ATRNL1: variants seen among roughly 807,000 people sequenced by gnomAD.
ATRNL1 encodes the protein attractin like 1.
Under a neutral mutation model 182.7 loss-of-function variants are expected in ATRNL1, and 95 were observed. The observed-to-expected ratio is 0.52, with a 90% confidence interval of 0.44 to 0.62. ATRNL1 has a LOEUF of 0.62. Ranked by LOEUF, ATRNL1 falls within the 20% of genes least tolerant of loss-of-function variation. The probability of loss-of-function intolerance (pLI) is 0.00; values close to 1 mark genes in which losing one functional copy is unlikely to be tolerated. For missense variants in ATRNL1, 1,471 were observed against 1,679.5 expected (o/e 0.88, Z 2.17); for synonymous variants, 576 against 568.3 (o/e 1.01, Z -0.19).
intron 24 of ATRNL1, 85 bp downstream of exon 24, chr10:115,469,414 A>G (rs1374996702): frequency 9.5e-5 from 81 of 848,558 alleles, no homozygotes; most frequent in Non-Finnish European, 1.3e-4. Context: ...TGATATATGT[A>G]CATTTCCTGA....
intron 5 of ATRNL1, among the ~76,000 whole-genome samples, chr10:115,145,473 C>T (rs949183170): frequency 3.9e-5 from 6 of 152,130 alleles, no homozygotes; most frequent in Non-Finnish European, 8.8e-5. Context: ...TAATGATTAC[C>T]ACTCACACAA....
At chr10:115,665,661 A>T (rs1330941519) in intron 26 of ATRNL1, among the ~76,000 whole-genome samples, 6 of 152,172 alleles carry the variant, frequency 3.9e-5, no homozygotes, top group Non-Finnish European at 8.8e-5. Flanking sequence ...AGAATTACTA[A>T]ATAAATGTTA....
chr10:115,266,683 G>A (rs1374354142), intron 11 of ATRNL1, 114 bp from the exon 12 acceptor site: 1 of 576,828 alleles, frequency 1.7e-6, no homozygotes, highest in Non-Finnish European at 3.0e-6. Flanking sequence ...ACTAACAGAA[G>A]TACTTAAAAT....
intron 9 of ATRNL1, among the ~76,000 whole-genome samples, chr10:115,239,297 A>G (rs1346779402): frequency 1.3e-5 from 2 of 151,886 alleles, no homozygotes; most frequent in African/African-American, 4.8e-5. Context: ...CAGTGGTGCG[A>G]TCTCAGCTCG....
chr10:115,402,772 G>C (rs534105826), intron 20 of ATRNL1, among the ~76,000 whole-genome samples: 6 of 152,160 alleles, frequency 3.9e-5, no homozygotes, highest in African/African-American at 1.4e-4. Flanking sequence ...CCCCTTTTCT[G>C]TTCCTTATAC....
intron 14 of ATRNL1, among the ~76,000 whole-genome samples, chr10:115,283,666 T>TTTACAATGAAAAATA (rs1166041931): frequency 1.3e-5 from 2 of 152,296 alleles, no homozygotes; most frequent in East Asian, 3.9e-4. Context: ...AATGAAAATA[T>TTTACAATGAAAAATA]TTACAAAGTT....
intron 21 of ATRNL1, among the ~76,000 whole-genome samples, chr10:115,441,009 C>CACAATCACCAAACTT (rs1246188649): frequency 4.6e-5 from 7 of 151,796 alleles, no homozygotes; most frequent in African/African-American, 1.7e-4. Flanking sequence ...TTTTTACCAC[C>CACAATCACCAAACTT]ACAATCACCA....
chr10:115,278,099 A>G (rs1261460822), intron 13 of ATRNL1, among the ~76,000 whole-genome samples: 1 of 152,214 alleles, frequency 6.6e-6, no homozygotes, highest in Non-Finnish European at 1.5e-5. Context: ...AGGGGTCTGC[A>G]TGATACTTTT....
Position 115,476,240 on chromosome 10 carries a change from A to T in ATRNL1, c.3654+6911A>T, listed in dbSNP as rs193216676. Among the ~76,000 whole-genome samples, 23 of 151,458 alleles carry T rather than the reference A, an allele frequency of 1.5e-4. No individual in the cohort carries two copies. The East Asian group carries it at 4.1e-3, about 27-fold the overall frequency. On this transcript the variant is annotated intron_variant, in intron 24 of 28. Transcript: ENST00000355044. The stretch of plus-strand genomic sequence containing the variant: ...ATATTTCAGGTGTCTCCTTTTTATT[A>T]ATTTCCAATTTAGTTTTCGCTATGG...
At chr10:115,878,227 T>A (rs1415543209) in intron 28 of ATRNL1, among the ~76,000 whole-genome samples, 1 of 152,260 alleles carries the variant, frequency 6.6e-6, no homozygotes, top group Non-Finnish European at 1.5e-5. Context: ...AGCCTCACCA[T>A]ACTGGCCACA....
chr10:115,509,614 T>C, intron 24 of ATRNL1, among the ~76,000 whole-genome samples: 1 of 152,020 alleles, frequency 6.6e-6, no homozygotes, highest in Non-Finnish European at 1.5e-5. Flanking sequence ...CCCAGAAGCC[T>C]TGCAGATGCC....
intron 19 of ATRNL1, among the ~76,000 whole-genome samples, chr10:115,386,651 T>C (rs1459788657): frequency 6.9e-6 from 1 of 145,866 alleles, no homozygotes; most frequent in African/African-American, 2.7e-5. Flanking sequence ...AGGTTAGTCT[T>C]TTTTTTTTAT....
At chr10:115,408,572 ATATAGT>A (rs1243388428) in intron 20 of ATRNL1, among the ~76,000 whole-genome samples, 15 of 152,032 alleles carry the variant, frequency 9.9e-5, no homozygotes, top group African/African-American at 3.1e-4. Flanking sequence ...TTTTATCTTG[ATATAGT>A]TATATTTGTT....
intron 1 of ATRNL1, among the ~76,000 whole-genome samples, chr10:115,107,032 C>A (rs782756371): frequency 1.3e-5 from 2 of 152,114 alleles, no homozygotes; most frequent in Non-Finnish European, 1.5e-5. Context: ...TTATAAGGAA[C>A]CCATTCCCCT....
intron 26 of ATRNL1, among the ~76,000 whole-genome samples, chr10:115,701,846 C>T (rs1172177516): frequency 6.6e-6 from 1 of 151,954 alleles, no homozygotes; most frequent in African/African-American, 2.4e-5. Context: ...CAGATTGATT[C>T]ACAGCTGAAT....
chr10:115,441,404 G>C (rs1406294419), intron 21 of ATRNL1, among the ~76,000 whole-genome samples: 1 of 151,806 alleles, frequency 6.6e-6, no homozygotes, highest in African/African-American at 2.4e-5. Flanking sequence ...CATAGACATT[G>C]CTTTTCTAAG....
intron 20 of ATRNL1, among the ~76,000 whole-genome samples, chr10:115,419,500 A>G (rs1466799603): frequency 6.6e-6 from 1 of 152,240 alleles, no homozygotes; most frequent in East Asian, 1.9e-4. Flanking sequence ...ATAGAAAAAT[A>G]TGACCAAACT....
At chr10:115,938,823 G>T (rs1194582790) in intron 28 of ATRNL1, among the ~76,000 whole-genome samples, 1 of 152,036 alleles carries the variant, frequency 6.6e-6, no homozygotes, top group Non-Finnish European at 1.5e-5. Context: ...ATTGAGAGTT[G>T]AAAGCTGATT....
At chr10:115,359,088 C>T (rs1439172726) in intron 19 of ATRNL1, among the ~76,000 whole-genome samples, 1 of 151,584 alleles carries the variant, frequency 6.6e-6, no homozygotes, top group Non-Finnish European at 1.5e-5. Context: ...AAAATTCCAG[C>T]CTAAAAACTT....
Sources: gnomAD v4.1 joint callset for allele counts (sites outside exome capture counted in the v4.1 genomes callset) on GRCh38, gnomAD v4.1.1 for gene constraint, MANE v1.5 for transcripts, NCBI Gene and HGNC (gene_info 2026-07-23, HGNC 2026-07-21) for gene names.